Variants in SLC22A23 observed in about 807,000 individuals in gnomAD.
SLC22A23 encodes the protein ion transporter protein.
In SLC22A23, 26 loss-of-function variants were observed where a neutral mutation model predicts 61.0. That is an observed-to-expected ratio of 0.43 (90% CI 0.31 to 0.59). SLC22A23 has a LOEUF of 0.59. Ranked by LOEUF, SLC22A23 falls within the 20% of genes least tolerant of loss-of-function variation. The pLI, the probability that SLC22A23 is intolerant of heterozygous loss-of-function variation, is 0.11. For synonymous variants in SLC22A23, 430 were observed against 413.9 expected, an observed-to-expected ratio of 1.04 and a Z score of -0.47; for missense variants, 796 against 934.7, an observed-to-expected ratio of 0.85 and a Z score of 1.94.
intron 1 of SLC22A23, among the ~76,000 whole-genome samples, chr6:3,448,411 G>T (rs9378796): frequency 0.26 from 39,821 of 152,044 alleles, 5,556 homozygotes; most frequent in African/African-American, 0.35. Flanking sequence ...AGAGTCAATA[G>T]AAGCCAAGCT....
chr6:3,438,363 G>C (rs144841581), intron 1 of SLC22A23: 137 of 366,438 alleles, frequency 3.7e-4, no homozygotes, highest in African/African-American at 2.8e-3. Flanking sequence ...GCCACGAGGT[G>C]CCTGCCTTGG....
chr6:3,298,949 G>T (rs1210711328), intron 4 of SLC22A23, among the ~76,000 whole-genome samples: 1 of 146,478 alleles, frequency 6.8e-6, no homozygotes, highest in Non-Finnish European at 1.5e-5. Context: ...TCCGCAGTCC[G>T]GCCTGGGCGA....
intron 1 of SLC22A23, among the ~76,000 whole-genome samples, chr6:3,452,371 C>A (rs1176847160): frequency 1.3e-5 from 2 of 151,946 alleles, no homozygotes; most frequent in Non-Finnish European, 2.9e-5. Flanking sequence ...GGCAGAAGGA[C>A]AGCTTGAGGC....
chr6:3,357,047 A>G (rs2127442587), intron 3 of SLC22A23, among the ~76,000 whole-genome samples: 1 of 138,708 alleles, frequency 7.2e-6, no homozygotes, highest in Non-Finnish European at 1.5e-5. Context: ...GAGAAAACCA[A>G]AACAGAGCCA....
chr6:3,280,071 T>C (rs1225848753), intron 9 of SLC22A23, among the ~76,000 whole-genome samples: 2 of 152,212 alleles, frequency 1.3e-5, no homozygotes, highest in African/African-American at 4.8e-5. Flanking sequence ...TAAATTTCTG[T>C]GAAGTTGAGG....
chr6:3,445,607 A>G (rs567869755), intron 1 of SLC22A23, among the ~76,000 whole-genome samples: 60 of 152,240 alleles, frequency 3.9e-4, no homozygotes, highest in African/African-American at 1.4e-3. Context: ...GCATCCTTCC[A>G]ACCAGGGTCC....
At position 3,324,163 on chromosome 6, in the gene SLC22A23, C is replaced by T. The variant is rs777845805; in HGVS notation, c.914-161G>A. On this transcript the variant is annotated intron_variant, in intron 3 of 9. Transcript: ENST00000406686. The surrounding 1 kb of genome is among the most constrained non-coding windows in gnomAD (Gnocchi z 4.3). ...CCCTATGTGGTGTGCCAGTGTTTTA[C>T]GGGCGCGTTGAGGCTCCAACTGGGA... 5.0e-4 allele frequency: 421 copies of T among 843,606 alleles called. 1 individual carries two copies. The highest frequency in any genetic ancestry group is 6.7e-4 in the Non-Finnish European group (373 of 554,218). 52.3% of individuals were successfully genotyped at this position (843,606 alleles called of 1,614,324 possible).
rs1396010628 is a variant in SLC22A23 at position 3,297,496 on chromosome 6, A to G, written c.1210+595T>C. Among the ~76,000 whole-genome samples the G allele has an allele frequency of 6.6e-6, 1 of 152,216 alleles. No individual in the cohort carries two copies. ...TAACAGGTCAGGATCTCCAGGTGCC[A>G]GGGAGAGGCCCAGGAATCTGGATTT... On this transcript the variant is annotated intron_variant, in intron 5 of 9. Transcript: ENST00000406686. This position sits in a 1 kb window ranked among gnomAD's most constrained non-coding sequence, Gnocchi z 4.3.
rs149635210 is a variant in SLC22A23 at position 3,441,426 on chromosome 6, G to A, written c.654+14480C>T. Among the ~76,000 whole-genome samples the A allele has an allele frequency of 9.6e-3, 1,464 of 152,264 alleles. 22 individuals carry two copies. Among genetic ancestry groups the A allele is most frequent in the African/African-American group, 0.034 (1,399 of 41,538 alleles). On this transcript the variant is annotated intron_variant, in intron 1 of 9. Transcript: ENST00000406686. The stretch of plus-strand genomic sequence containing the variant: ...CTCTATGGCTTTGTAGGGGGGCCTT[G>A]CAGGGTCAGGACCCATGCCCTCCTC...
At chr6:3,340,615 A>G (rs1764098357) in intron 3 of SLC22A23, among the ~76,000 whole-genome samples, 1 of 152,196 alleles carries the variant, frequency 6.6e-6, no homozygotes, top group Non-Finnish European at 1.5e-5. Context: ...CTTTGTGTAA[A>G]GGCCAAAAAC....
chr6:3,453,914 C>T (rs1186184055), intron 1 of SLC22A23, among the ~76,000 whole-genome samples: 2 of 152,200 alleles, frequency 1.3e-5, no homozygotes, highest in African/African-American at 2.4e-5. Context: ...GCATCTGATA[C>T]AGTATTCAAC....
At chr6:3,276,482 A>T (rs1168353437) in intron 9 of SLC22A23, among the ~76,000 whole-genome samples, 1 of 152,196 alleles carries the variant, frequency 6.6e-6, no homozygotes, top group Non-Finnish European at 1.5e-5. Flanking sequence ...AGAGCTAATC[A>T]TATCACCTGG....
At chr6:3,395,984 G>C (rs1767978364) in intron 3 of SLC22A23, among the ~76,000 whole-genome samples, 1 of 152,188 alleles carries the variant, frequency 6.6e-6, no homozygotes, top group Admixed American at 6.5e-5. Context: ...CAAGATGATT[G>C]TACACATTTA....
chr6:3,278,537 A>C (rs1038716333), intron 9 of SLC22A23, among the ~76,000 whole-genome samples: 3 of 152,182 alleles, frequency 2.0e-5, no homozygotes, highest in African/African-American at 7.2e-5. Context: ...GGCAAGAATT[A>C]TTTTCTAGGA....
chr6:3,285,453 G>A (rs533211863), intron 7 of SLC22A23, among the ~76,000 whole-genome samples: 8 of 152,338 alleles, frequency 5.3e-5, no homozygotes, highest in South Asian at 2.1e-4. Context: ...TTCAAGCTGC[G>A]TCAAGTGCTG....
At chr6:3,451,782 C>T (rs760101879) in intron 1 of SLC22A23, among the ~76,000 whole-genome samples, 3 of 152,160 alleles carry the variant, frequency 2.0e-5, no homozygotes, top group Admixed American at 6.5e-5. Flanking sequence ...AAATGCAGAG[C>T]TTGTGAAAGT....
intron 1 of SLC22A23, among the ~76,000 whole-genome samples, chr6:3,420,822 C>T (rs1282572361): frequency 3.9e-5 from 6 of 152,088 alleles, no homozygotes; most frequent in Admixed American, 2.0e-4. Context: ...CTAATGAAGA[C>T]GGCCAGGTGC....
Position 3,456,103 on chromosome 6 carries a change from TCC to T in SLC22A23, c.455_456del (p.Trp152TyrfsTer47). ...TTGRGGDMGN[W>X]TSLPTTPFAT... Reference sequence around the variant, plus strand: ...GCGAAGGGGGTGGTGGGGAGGCTGGTCCAGTTGCCCATGTCCCCGCCCCGGCC... The same window carrying T: ...GCGAAGGGGGTGGTGGGGAGGCTGGTAGTTGCCCATGTCCCCGCCCCGGCC... On this transcript the variant is annotated frameshift_variant, in exon 1 of 10. Coordinates refer to ENST00000406686, the MANE Select transcript of SLC22A23 (RefSeq NM_015482.2). LOFTEE classifies it high-confidence loss of function. The surrounding 1 kb of genome is among the most constrained non-coding windows in gnomAD (Gnocchi z 7.1). The T allele has an allele frequency of 3.2e-6, 5 of 1,550,464 alleles. No homozygotes were observed. The highest frequency in any genetic ancestry group is 4.4e-6 in the Non-Finnish European group (5 of 1,146,658).
Position 3,289,842 on chromosome 6 carries a change from C to G in SLC22A23, c.1235G>C (p.Arg412Thr). The change falls in exon 6 of 10, where the codon AGG (arginine) becomes ACG (threonine). Residue 412 changes from arginine to threonine, a missense_variant. Transcript: ENST00000406686. ...IPELEKELSRRPKKVCIVKVV... is the reference protein window; with the variant it reads ...IPELEKELSRTPKKVCIVKVV... ...CTTCACGATGCAGACCTTCTTGGGC[C>G]TCCGGGAAAGCTCTTTCTCCAGCTC... 6.2e-7 allele frequency: 1 copy of G among 1,614,042 alleles called. No individual in the cohort carries two copies. The highest frequency in any genetic ancestry group is 8.5e-7 in the Non-Finnish European group (1 of 1,180,022).
Sources: allele counts gnomAD v4.1 joint callset (sites outside exome capture counted in the v4.1 genomes callset), GRCh38; gene constraint gnomAD v4.1.1; non-coding constraint Gnocchi (gnomAD v3.1); transcripts MANE v1.5; gene names NCBI Gene and HGNC (gene_info 2026-07-23, HGNC 2026-07-21).